Variants in PCDH15 observed in about 807,000 individuals in gnomAD.
The protein encoded by PCDH15 is protocadherin related 15.
In PCDH15, 129 loss-of-function variants were observed where a neutral mutation model predicts 178.5. The ratio of observed to expected loss-of-function variants is 0.72; its 90% CI spans 0.63 to 0.84. The LOEUF is 0.84. Ranked by LOEUF, PCDH15 falls within the 40% of genes least tolerant of loss-of-function variation. The probability of loss-of-function intolerance (pLI) is 0.00; values close to 1 mark genes in which losing one functional copy is unlikely to be tolerated. For missense variants in PCDH15, 2,230 were observed against 2,099.9 expected (o/e 1.06, Z -1.21); for synonymous variants, 800 against 732.0 (o/e 1.09, Z -1.50).
intron 2 of PCDH15, among the ~76,000 whole-genome samples, chr10:55,043,122 T>C (rs1840909563): frequency 6.6e-6 from 1 of 152,050 alleles, no homozygotes; most frequent in South Asian, 2.1e-4. Flanking sequence ...GTTTTCTTTT[T>C]GTTTGTTTGT....
intron 3 of PCDH15, among the ~76,000 whole-genome samples, chr10:54,449,736 A>T (rs11817933): frequency 0.01 from 1,543 of 151,958 alleles, 20 homozygotes; most frequent in Non-Finnish European, 0.011. Context: ...TCTAAAATGG[A>T]TTTAAAATAT....
chr10:55,314,620 T>G (rs1429415307), intron 1 of PCDH15, among the ~76,000 whole-genome samples: 2 of 152,094 alleles, frequency 1.3e-5, no homozygotes, highest in Non-Finnish European at 2.9e-5. Flanking sequence ...TTTTTCCCTT[T>G]CACTACAGTA....
At chr10:54,873,505 A>T (rs1010104210) in intron 3 of PCDH15, among the ~76,000 whole-genome samples, 1 of 148,048 alleles carries the variant, frequency 6.8e-6, no homozygotes, top group Non-Finnish European at 1.5e-5. Context: ...ACGTGTATGT[A>T]TATATATAAT....
intron 2 of PCDH15, among the ~76,000 whole-genome samples, chr10:55,437,006 G>C: frequency 6.6e-6 from 1 of 152,116 alleles, no homozygotes; most frequent in Non-Finnish European, 1.5e-5. Flanking sequence ...CCTCAGAAGA[G>C]TCATTTTGTT....
chr10:54,464,265 G>C (rs1397012885), intron 3 of PCDH15, among the ~76,000 whole-genome samples: 1 of 152,166 alleles, frequency 6.6e-6, no homozygotes, highest in Non-Finnish European at 1.5e-5. Context: ...CAGTTGGGGA[G>C]AGGTTATAAA....
At chr10:54,192,180 GAGAA>G (rs1248474550) in intron 11 of PCDH15, among the ~76,000 whole-genome samples, 4 of 132,008 alleles carry the variant, frequency 3.0e-5, no homozygotes, top group African/African-American at 3.3e-5. Flanking sequence ...GAAAAAGAAA[GAGAA>G]AGAAAGAAAG....
chr10:55,549,461 G>A (rs1324902758), intron 2 of PCDH15, among the ~76,000 whole-genome samples: 1 of 152,060 alleles, frequency 6.6e-6, no homozygotes, highest in Non-Finnish European at 1.5e-5. Flanking sequence ...TTTTAACAAG[G>A]CTCTGTGTCA....
chr10:54,525,004 G>A (rs1475934657), intron 3 of PCDH15, among the ~76,000 whole-genome samples: 1 of 152,134 alleles, frequency 6.6e-6, no homozygotes, highest in Non-Finnish European at 1.5e-5. Flanking sequence ...TTCCAAGCAT[G>A]CACATATGTA....
chr10:54,709,686 G>A (rs957853636), intron 1 of PCDH15, among the ~76,000 whole-genome samples: 1 of 146,396 alleles, frequency 6.8e-6, no homozygotes, highest in Non-Finnish European at 1.5e-5. Flanking sequence ...AGTAATGTGT[G>A]TGTGTGTGTA....
chr10:55,231,856 C>T (rs1407446422), intron 1 of PCDH15, among the ~76,000 whole-genome samples: 1 of 151,810 alleles, frequency 6.6e-6, no homozygotes. Flanking sequence ...TCGATATTTG[C>T]TTACTTTTTC....
At chr10:55,215,145 A>G in intron 1 of PCDH15, among the ~76,000 whole-genome samples, 1 of 152,148 alleles carries the variant, frequency 6.6e-6, no homozygotes, top group East Asian at 1.9e-4. Context: ...TAGACTCATT[A>G]GCTCTGAGCA....
At chr10:54,047,213 C>T (rs1292850609) in intron 18 of PCDH15, among the ~76,000 whole-genome samples, 1 of 151,998 alleles carries the variant, frequency 6.6e-6, no homozygotes, top group African/African-American at 2.4e-5. Context: ...AGGCTGATAG[C>T]ATGTCTGTTA....
At chr10:55,069,376 A>C (rs1254896724) in intron 2 of PCDH15, among the ~76,000 whole-genome samples, 5 of 145,490 alleles carry the variant, frequency 3.4e-5, no homozygotes, top group South Asian at 2.3e-4. Flanking sequence ...TGCTGCACCC[A>C]TTAACTCGTC....
At chr10:54,334,531 C>T (rs1297631412) in intron 6 of PCDH15, among the ~76,000 whole-genome samples, 1 of 152,148 alleles carries the variant, frequency 6.6e-6, no homozygotes, top group African/African-American at 2.4e-5. Flanking sequence ...AGCACTATTT[C>T]TTCTCAGCTG....
In PCDH15 at chr10:54,640,380, T is replaced by C. The variant is rs1423938271; in HGVS notation, c.91+23792A>G. 2.6e-5 allele frequency among the ~76,000 whole-genome samples: 4 copies of C among 152,020 alleles called. No homozygotes were observed. In the East Asian group the frequency reaches 7.7e-4, roughly 29 times the overall value. On this transcript the variant is annotated intron_variant, in intron 2 of 37. Transcript: ENST00000644397. ...TTAATATCATGGGTTCAAAGACACTTGAGATATATAAGTATGTACCTTTAA... is the reference window on the plus strand; with the variant it reads ...TTAATATCATGGGTTCAAAGACACTCGAGATATATAAGTATGTACCTTTAA...
At chr10:54,164,646 T>C (rs2046032750) in intron 13 of PCDH15, among the ~76,000 whole-genome samples, 1 of 152,202 alleles carries the variant, frequency 6.6e-6, no homozygotes, top group African/African-American at 2.4e-5. Flanking sequence ...TTCCAACTTC[T>C]TAGTGTATGA....
chr10:54,323,489 A>C (rs1037840715), intron 7 of PCDH15, among the ~76,000 whole-genome samples: 34 of 152,328 alleles, frequency 2.2e-4, no homozygotes, highest in Middle Eastern at 6.8e-3. Flanking sequence ...AGTGGATTGC[A>C]TAAAGAAAAT....
chr10:55,622,096 G>GTATATATATTATATATATCTATAAA lies in PCDH15; in HGVS notation c.-156+5504_-156+5528dup, dbSNP rs1564488415. On this transcript the variant is annotated intron_variant, in intron 2 of 5. Transcript: ENST00000613346. The stretch of plus-strand genomic sequence containing the variant: ...ATAATATATATAAATTATATATAAT[G>GTATATATATTATATATATCTATAAA]TATATATATTATATATATCTATAAA... Among the ~76,000 whole-genome samples, 10 of 93,010 alleles carry GTATATATATTATATATATCTATAAA rather than the reference G, an allele frequency of 1.1e-4. No individual in the cohort carries two copies. In the South Asian group the frequency reaches 1.2e-3, roughly 12 times the overall value. 61.0% of individuals were successfully genotyped at this position (93,010 alleles called of 152,430 possible).
chr10:55,169,891 C>A (rs1331502492), intron 1 of PCDH15, among the ~76,000 whole-genome samples: 2 of 151,882 alleles, frequency 1.3e-5, no homozygotes, highest in African/African-American at 4.8e-5. Flanking sequence ...AGAAGATTTA[C>A]CTTTCTACAT....
Sources: gnomAD v4.1 joint callset for allele counts (sites outside exome capture counted in the v4.1 genomes callset) on GRCh38, gnomAD v4.1.1 for gene constraint, MANE v1.5 for transcripts, NCBI Gene and HGNC (gene_info 2026-07-23, HGNC 2026-07-21) for gene names.